AGBL4: variants seen among roughly 807,000 people sequenced by gnomAD.
AGBL4 encodes the protein AGBL carboxypeptidase 4.
Under a neutral mutation model 66.4 loss-of-function variants are expected in AGBL4, and 58 were observed. The ratio of observed to expected loss-of-function variants is 0.87; its 90% confidence interval spans 0.71 to 1.09. AGBL4 has a LOEUF of 1.09. Ranked by LOEUF, AGBL4 falls within the 50% of genes least tolerant of loss-of-function variation. AGBL4 has a pLI of 0.00. For missense variants in AGBL4, 579 were observed against 631.0 expected, an observed-to-expected ratio of 0.92 and a Z score of 0.88; for synonymous variants, 234 against 222.9, an observed-to-expected ratio of 1.05 and a Z score of -0.44.
At chr1:49,788,214 G>T (rs1314383791) in intron 2 of AGBL4, among the ~76,000 whole-genome samples, 1 of 152,042 alleles carries the variant, frequency 6.6e-6, no homozygotes, top group Non-Finnish European at 1.5e-5. Flanking sequence ...CCAAGTTACA[G>T]ACACTTGGAA....
chr1:49,946,143 C>T (rs189958871), intron 1 of AGBL4, among the ~76,000 whole-genome samples: 3 of 151,116 alleles, frequency 2.0e-5, no homozygotes, highest in African/African-American at 4.8e-5. Context: ...CAGCACTAGA[C>T]AGGTCAAGAC....
intron 1 of AGBL4, among the ~76,000 whole-genome samples, chr1:49,915,443 C>T (rs11205661): frequency 0.19 from 28,429 of 152,140 alleles, 3,288 homozygotes; most frequent in East Asian, 0.42. Context: ...TTATATCCCG[C>T]GCCTGGCTTG....
At chr1:49,175,808 C>G (rs192650132) in intron 4 of AGBL4, among the ~76,000 whole-genome samples, 1 of 152,090 alleles carries the variant, frequency 6.6e-6, no homozygotes, top group South Asian at 2.1e-4. Flanking sequence ...AAAGACAGAC[C>G]TTTACTTTTG....
chr1:49,386,213 A>G (rs1644732623), intron 3 of AGBL4, among the ~76,000 whole-genome samples: 2 of 151,770 alleles, frequency 1.3e-5, no homozygotes, highest in African/African-American at 4.8e-5. Context: ...ATGTTCATTA[A>G]CCATATCAGT....
chr1:49,775,027 C>T (rs147412954), intron 2 of AGBL4, among the ~76,000 whole-genome samples: 187 of 151,882 alleles, frequency 1.2e-3, no homozygotes, highest in African/African-American at 4.3e-3. Context: ...GATACACAGG[C>T]AATGTAATAA....
intron 4 of AGBL4, among the ~76,000 whole-genome samples, chr1:49,051,009 A>C (rs1644199779): frequency 6.6e-6 from 1 of 152,112 alleles, no homozygotes; most frequent in Non-Finnish European, 1.5e-5. Flanking sequence ...GAGAAGTCCC[A>C]GACCTAATGC....
At chr1:48,815,141 A>C (rs1646144646) in intron 6 of AGBL4, among the ~76,000 whole-genome samples, 1 of 152,140 alleles carries the variant, frequency 6.6e-6, no homozygotes, top group Non-Finnish European at 1.5e-5. Context: ...GAATTTCCTT[A>C]ATGATTAATG....
chr1:48,535,111 G>C (rs1438396340), intron 12 of AGBL4, among the ~76,000 whole-genome samples, 195 bp from the exon 13 acceptor site: 3 of 152,114 alleles, frequency 2.0e-5, no homozygotes, highest in Non-Finnish European at 2.9e-5. Context: ...GCCATGGGGG[G>C]ATAGTGGCAA....
At chr1:49,030,589 A>G (rs538998904) in intron 5 of AGBL4, among the ~76,000 whole-genome samples, 1 of 152,150 alleles carries the variant, frequency 6.6e-6, no homozygotes, top group African/African-American at 2.4e-5. Context: ...TGCGAACCCT[A>G]TTGTGAACTG....
At chr1:49,888,890 T>A (rs1436295649) in intron 1 of AGBL4, among the ~76,000 whole-genome samples, 1 of 152,176 alleles carries the variant, frequency 6.6e-6, no homozygotes. Context: ...AAGAACTTAC[T>A]AAGCATGTAC....
intron 1 of AGBL4, among the ~76,000 whole-genome samples, chr1:49,893,298 G>A (rs1006870358): frequency 3.9e-5 from 6 of 152,110 alleles, no homozygotes; most frequent in South Asian, 2.1e-4. Flanking sequence ...AGGCTCCACC[G>A]ATTGTTCTCT....
At chr1:48,684,521 G>A (rs1458065331) in intron 6 of AGBL4, among the ~76,000 whole-genome samples, 1 of 152,160 alleles carries the variant, frequency 6.6e-6, no homozygotes, top group Non-Finnish European at 1.5e-5. Flanking sequence ...CTGGTAGTAT[G>A]AGGATCAATT....
chr1:48,828,192 A>G (rs1486778934), intron 6 of AGBL4, among the ~76,000 whole-genome samples: 37 of 151,814 alleles, frequency 2.4e-4, no homozygotes, highest in Admixed American at 2.4e-3. Flanking sequence ...TCTCAAAAAA[A>G]AAAAAAAAGA....
chr1:50,006,338 CAAAA>C (rs56377281), intron 1 of AGBL4, among the ~76,000 whole-genome samples: 1 of 74,536 alleles, frequency 1.3e-5, no homozygotes, highest in Non-Finnish European at 2.8e-5. Flanking sequence ...GACTCCGCCT[CAAAA>C]AAAAAAAAAA....
chr1:49,144,525 C>CCACA (rs1237916149), intron 4 of AGBL4, among the ~76,000 whole-genome samples: 828 of 80,574 alleles, frequency 0.01, 11 homozygotes, highest in South Asian at 0.054. Context: ...TTTACCTAAT[C>CCACA]TACACACACA....
chr1:49,859,659 A>G (rs1646519960), intron 1 of AGBL4, among the ~76,000 whole-genome samples: 1 of 152,122 alleles, frequency 6.6e-6, no homozygotes, highest in Admixed American at 6.5e-5. Context: ...CTTAAATTAT[A>G]TTTAATTGTG....
At chr1:48,980,874 A>G (rs2148964873) in intron 5 of AGBL4, among the ~76,000 whole-genome samples, 1 of 151,316 alleles carries the variant, frequency 6.6e-6, no homozygotes, top group South Asian at 2.1e-4. Flanking sequence ...AGTAGCTGCT[A>G]ATATTCTATT....
At chr1:48,705,859 C>T (rs1646873851) in intron 6 of AGBL4, among the ~76,000 whole-genome samples, 1 of 100,598 alleles carries the variant, frequency 9.9e-6, no homozygotes, top group Non-Finnish European at 2.8e-5. Flanking sequence ...GAAGATTGAA[C>T]AGTGATGAAC....
At chr1:49,335,235 T>G (rs1195820125) in intron 3 of AGBL4, among the ~76,000 whole-genome samples, 3 of 152,190 alleles carry the variant, frequency 2.0e-5, no homozygotes, top group Non-Finnish European at 4.4e-5. Flanking sequence ...TTTTATTTCT[T>G]CTTTCTCTCA....
Sources: gnomAD v4.1 joint callset for allele counts (sites outside exome capture counted in the v4.1 genomes callset) on GRCh38, gnomAD v4.1.1 for gene constraint, MANE v1.5 for transcripts, NCBI Gene and HGNC (gene_info 2026-07-23, HGNC 2026-07-21) for gene names.